ZEB2: variants seen among roughly 807,000 people sequenced by gnomAD.
The protein encoded by ZEB2 is zinc finger E-box binding homeobox 2.
Under a neutral mutation model 99.9 loss-of-function variants are expected in ZEB2, and 6 were observed. The ratio of observed to expected loss-of-function variants is 0.06; its 90% CI spans 0.03 to 0.12. The LOEUF (loss-of-function observed/expected upper bound fraction) is 0.12, where lower values mean the gene tolerates loss of function less well. ZEB2 is among the 10% of genes least tolerant of loss of function. The probability of loss-of-function intolerance (pLI) is 1.00; values close to 1 mark genes in which losing one functional copy is unlikely to be tolerated. For synonymous variants in ZEB2, 517 were observed against 542.5 expected, an observed-to-expected ratio of 0.95 and a Z score of 0.65; for missense variants, 969 against 1,502.8, an observed-to-expected ratio of 0.64 and a Z score of 5.87.
chr2:144,436,323 T>G (rs1021261910), intron 2 of ZEB2, among the ~76,000 whole-genome samples: 6 of 152,234 alleles, frequency 3.9e-5, no homozygotes, highest in African/African-American at 1.4e-4. Flanking sequence ...CTTTAATTTT[T>G]TATCCCAGGA....
chr2:144,430,631 A>T (rs1703757794), intron 2 of ZEB2: 1 of 172,132 alleles, frequency 5.8e-6, no homozygotes, highest in African/African-American at 2.4e-5. Context: ...AATGAGGAAA[A>T]GCCATATCTT....
chr2:144,469,850 A>G (rs1704330827), intron 2 of ZEB2, among the ~76,000 whole-genome samples: 1 of 152,202 alleles, frequency 6.6e-6, no homozygotes, highest in Admixed American at 6.6e-5. Flanking sequence ...TTTAAGGAAG[A>G]GCCAAGTGCA....
At chr2:144,491,510 C>A (rs115679978) in intron 2 of ZEB2, among the ~76,000 whole-genome samples, 1,766 of 152,240 alleles carry the variant, frequency 0.012, 41 homozygotes, top group African/African-American at 0.041. Flanking sequence ...TGGTGCCGGG[C>A]AGACTTTTTG....
At chr2:144,494,219 T>C (rs1042594109) in intron 2 of ZEB2, 1 of 147,828 alleles carries the variant, frequency 6.8e-6, no homozygotes, top group Non-Finnish European at 1.5e-5. Flanking sequence ...ATTTCACACA[T>C]GCACAGACCC....
At chr2:144,406,719 A>C (rs1703391977) in intron 4 of ZEB2, among the ~76,000 whole-genome samples, 1 of 152,210 alleles carries the variant, frequency 6.6e-6, no homozygotes, top group Non-Finnish European at 1.5e-5. Context: ...AGAAGCAGGA[A>C]GCTATTGAAG....
At position 144,387,366 on chromosome 2, in the gene ZEB2, A is replaced by G. The variant is rs1703099619; in HGVS notation, c.*2085T>C. On this transcript the variant is annotated 3_prime_UTR_variant, in exon 10 of 10. Transcript: ENST00000627532. ...CTTCACTTGGCAATTAGATTTAAGA[A>G]GCAGAATCTAGTTTCTTGATAAAAG... 2 of 152,154 alleles carry G rather than the reference A, an allele frequency of 1.3e-5. No individual in the cohort carries two copies. Among genetic ancestry groups the G allele is most frequent in the Non-Finnish European group, 2.9e-5 (2 of 68,008 alleles). 9.4% of individuals were successfully genotyped at this position (152,154 alleles called of 1,614,324 possible).
chr2:144,514,663 C>T (rs1288745792), intron 2 of ZEB2, among the ~76,000 whole-genome samples: 4 of 152,194 alleles, frequency 2.6e-5, no homozygotes, highest in Non-Finnish European at 4.4e-5. Flanking sequence ...AAAACCAGAA[C>T]ATTGCTCGGT....
Position 144,398,347 on chromosome 2 carries a change from G to C in ZEB2, c.2840C>G (p.Ala947Gly), listed in dbSNP as rs1560605826. Residue 947 changes from alanine (A) to glycine (G), a missense_variant, in exon 8 of 10, where the codon GCT becomes GGT. Transcript: ENST00000627532. ...YTYPTGAATF[A>G]DMQQRRKYQR... ...GTACTTTCTCCTTTGCTGCATATCA[G>C]CAAAAGTAGCTGCTCCAGTTGGGTA... 9.3e-6 allele frequency: 15 copies of C among 1,613,936 alleles called. No individual in the cohort carries two copies. Among genetic ancestry groups the C allele is most frequent in the Non-Finnish European group, 1.2e-5 (14 of 1,179,944 alleles).
Position 144,424,772 on chromosome 2 carries a change from C to T in ZEB2, c.403+24G>A, listed in dbSNP as rs1251996293. 3.1e-6 allele frequency: 5 copies of T among 1,613,804 alleles called. No homozygotes were observed. The East Asian group carries it at 8.9e-5, about 29-fold the overall frequency. Reference sequence around the variant, plus strand: ...CCACATGACACAGGACAAATGTGATCTGAGCGTGGCCAACATAACTCACCT... The same window carrying T: ...CCACATGACACAGGACAAATGTGATTTGAGCGTGGCCAACATAACTCACCT... On this transcript the variant is annotated intron_variant, in intron 4 of 9. Transcript: ENST00000627532.
chr2:144,490,806 C>G (rs1374090962), intron 2 of ZEB2, among the ~76,000 whole-genome samples: 1 of 152,202 alleles, frequency 6.6e-6, no homozygotes, highest in Non-Finnish European at 1.5e-5. Flanking sequence ...ACTGGTATTT[C>G]CCATTCTCTT....
chr2:144,466,021 A>C (rs1704267650), intron 2 of ZEB2, among the ~76,000 whole-genome samples: 2 of 152,182 alleles, frequency 1.3e-5, no homozygotes, highest in Non-Finnish European at 2.9e-5. Context: ...CAACGGACTG[A>C]AAATCTCTTA....
chr2:144,482,871 C>T (rs1407986788), intron 2 of ZEB2, among the ~76,000 whole-genome samples: 1 of 151,910 alleles, frequency 6.6e-6, no homozygotes, highest in Non-Finnish European at 1.5e-5. Flanking sequence ...ATTGCCCCTC[C>T]TCCATTTGTC....
At chr2:144,410,130 C>T (rs1346424960) in intron 4 of ZEB2, among the ~76,000 whole-genome samples, 5 of 151,996 alleles carry the variant, frequency 3.3e-5, no homozygotes, top group Non-Finnish European at 5.9e-5. Flanking sequence ...AGGATGGTCT[C>T]GATCTCCTGA....
In ZEB2 at chr2:144,437,307, CA is replaced by C. The variant is rs551956864; in HGVS notation, c.74-7282del. On this transcript the variant is annotated intron_variant, in intron 2 of 9. Coordinates refer to ENST00000627532, the MANE Select transcript of ZEB2 (RefSeq NM_014795.4). The stretch of plus-strand genomic sequence containing the variant: ...TGATGGCATGCTGAGGGAAGACCCC[CA>C]AAACAACTGCTATACACAAATAATT... Among the ~76,000 whole-genome samples, 84 of 152,290 alleles carry C rather than the reference CA, an allele frequency of 5.5e-4. No homozygotes were observed. In the East Asian group the frequency reaches 9.2e-3, roughly 17 times the overall value.
At chr2:144,446,047 C>G (rs1417479717) in intron 2 of ZEB2, among the ~76,000 whole-genome samples, 5 of 151,750 alleles carry the variant, frequency 3.3e-5, no homozygotes, top group Admixed American at 3.3e-4. Context: ...CCCTTCTTCT[C>G]TCTCCCCCTT....
chr2:144,450,670 CT>C (rs902221471), intron 2 of ZEB2, among the ~76,000 whole-genome samples: 2 of 151,916 alleles, frequency 1.3e-5, no homozygotes, highest in Non-Finnish European at 2.9e-5. Context: ...GAGTATGGTG[CT>C]TTTTTTGTTT....
intron 2 of ZEB2, among the ~76,000 whole-genome samples, chr2:144,501,027 G>C (rs1432837162): frequency 7.2e-6 from 1 of 139,134 alleles, no homozygotes; most frequent in Admixed American, 7.5e-5. Flanking sequence ...TTCAAAGATC[G>C]TATTTATATG....
At chr2:144,412,320 C>T (rs1703476273) in intron 4 of ZEB2, among the ~76,000 whole-genome samples, 1 of 152,200 alleles carries the variant, frequency 6.6e-6, no homozygotes, top group African/African-American at 2.4e-5. Flanking sequence ...TTGTCTTTCA[C>T]ATTACTGTGT....
intron 2 of ZEB2, among the ~76,000 whole-genome samples, chr2:144,459,028 A>G (rs1296640634): frequency 6.6e-6 from 1 of 152,224 alleles, no homozygotes; most frequent in Non-Finnish European, 1.5e-5. Flanking sequence ...ATAAATGAAC[A>G]CATAGAAAAT....
Sources: allele counts gnomAD v4.1 joint callset (sites outside exome capture counted in the v4.1 genomes callset), GRCh38; gene constraint gnomAD v4.1.1; transcripts MANE v1.5; gene names NCBI Gene and HGNC (gene_info 2026-07-23, HGNC 2026-07-21).